Variants in ZAN observed in about 807,000 individuals in gnomAD.
ZAN encodes zonadhesin, also known as zonadhesin (gene/pseudogene).
In ZAN, 260 loss-of-function variants were observed where a neutral mutation model predicts 286.2. The observed-to-expected ratio is 0.91, with a 90% confidence interval of 0.82 to 1.01. ZAN has a LOEUF of 1.01. ZAN is among the 50% of genes least tolerant of loss of function. The pLI, the probability that ZAN is intolerant of heterozygous loss-of-function variation, is 0.00. For missense variants in ZAN, 3,410 were observed against 3,639.2 expected (o/e 0.94, Z 1.62); for synonymous variants, 1,368 against 1,417.5 (o/e 0.97, Z 0.79).
chr7:100,755,102 T>C lies in ZAN; in HGVS notation c.3125-124T>C, dbSNP rs1314157081. The C allele has an allele frequency of 7.4e-6, 9 of 1,217,094 alleles. No homozygotes were observed. The East Asian group carries it at 1.7e-4, about 23-fold the overall frequency. The allele number at this position is 1,217,094 out of a possible 1,614,324, so 75.4% of individuals were successfully genotyped here. On this transcript the variant is annotated intron_variant, in intron 14 of 47. Transcript: ENST00000613979. ...ACCGCACCCAGCCTTCAGGCCTTTT[T>C]ATGGCTAAATAATATGGTCCTGTTT...
In ZAN at chr7:100,736,916, C is replaced by G; in HGVS notation, c.361C>G (p.His121Asp). 1 of 1,496,044 alleles carries G rather than the reference C, an allele frequency of 6.7e-7. No homozygotes were observed. The highest frequency in any genetic ancestry group is 9.1e-7 in the Non-Finnish European group (1 of 1,094,178). The allele number at this position is 1,496,044 out of a possible 1,614,324, so 92.7% of individuals were successfully genotyped here. Reference protein sequence around the residue: ...EQGPLCVHFAHHMFGLSWGAQ... With the variant: ...EQGPLCVHFADHMFGLSWGAQ... ...AGGCCCCCTCTGTGTGCACTTTGCC[C>G]ACCACATGTTCGGGCTGTCTTGGGG... is the stretch of plus-strand genomic sequence containing the variant. Residue 121 changes from histidine to aspartate, a missense_variant, in exon 5 of 48, where the codon CAC becomes GAC. By Grantham distance (81) the His-to-Asp change is moderately conservative. Coordinates refer to ENST00000613979, the MANE Select transcript of ZAN (RefSeq NM_003386.3).
At chr7:100,793,038 AAAAAG>A (rs1812106466) in intron 42 of ZAN, among the ~76,000 whole-genome samples, 1 of 150,960 alleles carries the variant, frequency 6.6e-6, no homozygotes, top group African/African-American at 2.4e-5. Flanking sequence ...AAGAAATTAA[AAAAAG>A]AAAAGACTAG....
chr7:100,773,750 C>T lies in ZAN; in HGVS notation c.5664C>T (p.Thr1888=). 1 of 1,611,248 alleles carries T rather than the reference C, an allele frequency of 6.2e-7. No homozygotes were observed. The highest frequency in any genetic ancestry group is 1.1e-5 in the South Asian group (1 of 90,440). ...GGGAGCGCTGGTACACAGAGAACAC[C>T]TGCACCAGGCTCTGCACCTGCTCCG... ...PVGERWYTEN[T]CTRLCTCSVH... is the part of the protein sequence containing the mutation. The change falls in exon 31 of 48, where the codon ACC becomes ACT. Residue 1888 remains threonine, a synonymous_variant. Coordinates refer to ENST00000613979, the MANE Select transcript of ZAN (RefSeq NM_003386.3).
chr7:100,736,432 G>A, intron 3 of ZAN, 51 bp from the exon 4 acceptor site: 1 of 1,499,680 alleles, frequency 6.7e-7, no homozygotes, highest in Non-Finnish European at 9.2e-7. Context: ...GTGTGGCTCT[G>A]GGCCCTGCCC....
chr7:100,783,005 C>T lies in ZAN; in HGVS notation c.6623-1618C>T, dbSNP rs186168721. Among the ~76,000 whole-genome samples the T allele has an allele frequency of 1.6e-3, 245 of 152,326 alleles. 1 individual carries two copies. The South Asian group carries it at 0.03, about 19-fold the overall frequency. On this transcript the variant is annotated intron_variant, in intron 35 of 47. Coordinates refer to ENST00000613979, the MANE Select transcript of ZAN (RefSeq NM_003386.3). Reference sequence around the variant, plus strand: ...GCTTTGGGCTGGGCGCTGTGGCTTACGCCTGTAATCCCAGCACTTTGGGAG... The same window carrying T: ...GCTTTGGGCTGGGCGCTGTGGCTTATGCCTGTAATCCCAGCACTTTGGGAG...
At chr7:100,797,015 T>C (rs1276540477) in intron 45 of ZAN, among the ~76,000 whole-genome samples, 2 of 151,980 alleles carry the variant, frequency 1.3e-5, no homozygotes, top group African/African-American at 4.8e-5. Context: ...CATGTGCCCA[T>C]AGTCCCAGCT....
chr7:100,792,569 C>T (rs750592134), intron 42 of ZAN, 90 bp downstream of exon 42: 23 of 1,574,642 alleles, frequency 1.5e-5, no homozygotes, highest in South Asian at 2.3e-5. Context: ...CTCCCTGTGC[C>T]GACCCTGACC....
intron 38 of ZAN, 59 bp from the exon 39 acceptor site, chr7:100,789,159 A>C: frequency 6.4e-7 from 1 of 1,568,572 alleles, no homozygotes; most frequent in Non-Finnish European, 8.7e-7. Flanking sequence ...CCCAGCCAGG[A>C]AATGGCAGCA....
In ZAN at chr7:100,784,639, C is replaced by T. The variant is rs1262402833; in HGVS notation, c.6639C>T (p.Ala2213=). Residue 2213 remains alanine (A), a synonymous_variant, in exon 36 of 48, where the codon GCC becomes GCT. Transcript: ENST00000613979. ...NSSFCPLECP[A]YSSYTNCLPS... The stretch of plus-strand genomic sequence containing the variant: ...CACCCACAGCTCTGGAATGCCCTGC[C>T]TACAGCAGCTACACCAACTGCCTTC... The T allele has an allele frequency of 1.2e-6, 2 of 1,613,932 alleles. No homozygotes were observed. The highest frequency in any genetic ancestry group is 8.5e-7 in the Non-Finnish European group (1 of 1,179,880).
chr7:100,792,364 C>T, intron 41 of ZAN, 41 bp from the exon 42 acceptor site: 1 of 1,565,860 alleles, frequency 6.4e-7, no homozygotes, highest in Non-Finnish European at 8.7e-7. Context: ...TCCTCCCCTC[C>T]CCAAACTGAC....
intron 45 of ZAN, among the ~76,000 whole-genome samples, chr7:100,796,617 T>C (rs1010911159): frequency 6.6e-6 from 1 of 152,070 alleles, no homozygotes; most frequent in Non-Finnish European, 1.5e-5. Flanking sequence ...GGTTTCGCCA[T>C]GTTGGCCAGG....
At chr7:100,773,985 C>A in intron 31 of ZAN, 120 bp downstream of exon 31, 1 of 1,377,840 alleles carries the variant, frequency 7.3e-7, no homozygotes, top group Non-Finnish European at 9.8e-7. Context: ...AACTCTGCTG[C>A]AACCAAGAGC....
At chr7:100,783,733 CAAAAAAAAAAAAAAAA>C (rs67004319) in intron 35 of ZAN, among the ~76,000 whole-genome samples, 6 of 11,236 alleles carry the variant, frequency 5.3e-4, no homozygotes, top group East Asian at 2.7e-3. Flanking sequence ...CCGTCCCCCG[CAAAAAAAAAAAAAAAA>C]AAAAAAAAAA....
rs1491186199 is a variant in ZAN at position 100,783,805 on chromosome 7, CAT to C, written c.6623-808_6623-807del. 7.1e-3 allele frequency among the ~76,000 whole-genome samples: 162 copies of C among 22,848 alleles called. 17 individuals carry two copies. Among genetic ancestry groups the C allele is most frequent in the Middle Eastern group, 0.028 (1 of 36 alleles). The allele number at this position is 22,848 out of a possible 152,430, so 15.0% of individuals were successfully genotyped here. The stretch of plus-strand genomic sequence containing the variant: ...ATATACACATATATATATATACACA[CAT>C]ATATATATACATATATATATATGTA... On this transcript the variant is annotated intron_variant, in intron 35 of 47. Coordinates refer to ENST00000613979, the MANE Select transcript of ZAN (RefSeq NM_003386.3).
chr7:100,788,272 A>C lies in ZAN; in HGVS notation c.7227+136A>C, dbSNP rs938967693. 3.1e-6 allele frequency: 4 copies of C among 1,269,874 alleles called. No individual in the cohort carries two copies. In the East Asian group the frequency reaches 1.0e-4, roughly 33 times the overall value. The allele number at this position is 1,269,874 out of a possible 1,614,324, so 78.7% of individuals were successfully genotyped here. A position where few individuals can be genotyped will look rare whatever the true frequency, so the allele number is the denominator to read the frequency against. ...GGCTGGTTGTAAAATCAGAGTCAGC[A>C]GGACGCAGTGGTTCACGCCTGTAAT... is the stretch of plus-strand genomic sequence containing the variant. On this transcript the variant is annotated intron_variant, in intron 38 of 47. Transcript: ENST00000613979.
intron 34 of ZAN, among the ~76,000 whole-genome samples, chr7:100,778,452 AAAAAG>A (rs1810965569): frequency 6.6e-6 from 1 of 151,696 alleles, no homozygotes; most frequent in African/African-American, 2.4e-5. Context: ...GAAAAAAAAA[AAAAAG>A]AAAAGAAAGA....
chr7:100,759,740 A>C lies in ZAN; in HGVS notation c.3591A>C (p.Thr1197=). 6.3e-6 allele frequency: 10 copies of C among 1,591,002 alleles called. No individual in the cohort carries two copies. Among genetic ancestry groups the C allele is most frequent in the Non-Finnish European group, 6.8e-6 (8 of 1,168,876 alleles). ...ACCCAGACCCATTCTTCAGGGTGAC[A>C]GCCAAGAATGAGGAGCAGGGACAGG... ...GNSTDPFFRV[T]AKNEEQGQEG... The change falls in exon 18 of 48, where the codon ACA becomes ACC. Residue 1197 remains threonine (T), a synonymous_variant. Coordinates refer to ENST00000613979, the MANE Select transcript of ZAN (RefSeq NM_003386.3).
Position 100,768,023 on chromosome 7 carries a change from G to T in ZAN, c.5041+12G>T. The T allele has an allele frequency of 6.2e-7, 1 of 1,604,916 alleles. No homozygotes were observed. Among genetic ancestry groups the T allele is most frequent in the South Asian group, 1.1e-5 (1 of 89,446 alleles). ...CTGTGGGCTGTGTGGTGAGTTTCCT[G>T]GGCACCTGCGGGGAAAGCTGGGACA... On this transcript the variant is annotated intron_variant, in intron 26 of 47. Coordinates refer to ENST00000613979, the MANE Select transcript of ZAN (RefSeq NM_003386.3).
chr7:100,768,557 C>A, intron 26 of ZAN, 53 bp from the exon 27 acceptor site: 1 of 1,478,264 alleles, frequency 6.8e-7, no homozygotes, highest in Non-Finnish European at 9.2e-7. Flanking sequence ...GGCCCTGGGG[C>A]CTGGCCTGCT....
Sources: gnomAD v4.1 joint callset for allele counts (sites outside exome capture counted in the v4.1 genomes callset) on GRCh38, gnomAD v4.1.1 for gene constraint, MANE v1.5 for transcripts, NCBI Gene and HGNC (gene_info 2026-07-23, HGNC 2026-07-21) for gene names.